Variants in TRMT13 observed in about 807,000 individuals in gnomAD.
TRMT13 encodes tRNA methyltransferase 13.
A neutral mutation model predicts 55.9 loss-of-function variants in TRMT13; 45 were observed. The observed-to-expected ratio is 0.80, with a 90% CI of 0.63 to 1.03. The LOEUF (loss-of-function observed/expected upper bound fraction) is 1.03. Ranked by LOEUF, TRMT13 falls within the 50% of genes least tolerant of loss-of-function variation. The probability of loss-of-function intolerance (pLI) is 0.00; values close to 1 mark genes in which losing one functional copy is unlikely to be tolerated. For synonymous variants in TRMT13, 183 were observed against 196.3 expected (o/e 0.93, Z 0.57); for missense variants, 513 against 563.9 (o/e 0.91, Z 0.91).
intron 1 of TRMT13, among the ~76,000 whole-genome samples, chr1:100,136,246 T>C (rs765769101): frequency 6.6e-6 from 1 of 152,234 alleles, no homozygotes; most frequent in African/African-American, 2.4e-5. Flanking sequence ...TGTTCCATTG[T>C]TTCTAAGAAA....
intron 2 of TRMT13, 40 bp from the exon 3 acceptor site, chr1:100,136,979 G>A: frequency 6.2e-7 from 1 of 1,602,520 alleles, no homozygotes; most frequent in Non-Finnish European, 8.5e-7. Context: ...ACAGTAATTG[G>A]CACAAGTCTC....
At chr1:100,137,984 G>T (rs1170528266) in intron 3 of TRMT13, among the ~76,000 whole-genome samples, 1 of 152,164 alleles carries the variant, frequency 6.6e-6, no homozygotes, top group African/African-American at 2.4e-5. Flanking sequence ...CCAGGTTTCA[G>T]TTAAAGCAAG....
chr1:100,133,462 C>A, intron 1 of TRMT13, 147 bp downstream of exon 1: 1 of 1,022,596 alleles, frequency 9.8e-7, no homozygotes, highest in African/African-American at 1.6e-5. Context: ...CAGTTTTGCC[C>A]TCCTTGCGGA....
At chr1:100,135,663 T>C (rs184927185) in intron 1 of TRMT13, among the ~76,000 whole-genome samples, 44 of 152,286 alleles carry the variant, frequency 2.9e-4, no homozygotes, top group Non-Finnish European at 6.2e-4. Context: ...GGATCGTAGC[T>C]GGTAGGTAGA....
At chr1:100,144,624 TG>T (rs2101738984) in intron 9 of TRMT13, 1 of 152,914 alleles carries the variant, frequency 6.5e-6, no homozygotes, top group Admixed American at 6.5e-5. Flanking sequence ...AGATCTAGCA[TG>T]GTAAAGTGGA....
At chr1:100,134,727 T>C (rs925698046) in intron 1 of TRMT13, among the ~76,000 whole-genome samples, 3 of 152,300 alleles carry the variant, frequency 2.0e-5, no homozygotes, top group South Asian at 2.1e-4. Context: ...TATCCAGATA[T>C]ATGGAAGGTG....
chr1:100,133,551 A>G (rs1021559968), intron 1 of TRMT13, among the ~76,000 whole-genome samples: 13 of 152,038 alleles, frequency 8.6e-5, no homozygotes, highest in Admixed American at 2.6e-4. Flanking sequence ...ATTTTGATCT[A>G]TTTATCTCGA....
At chr1:100,138,962 GTTTGTTTC>G (rs1428456367) in intron 3 of TRMT13, among the ~76,000 whole-genome samples, 1 of 152,062 alleles carries the variant, frequency 6.6e-6, no homozygotes, top group African/African-American at 2.4e-5. Flanking sequence ...ATGTGTGTTT[GTTTGTTTC>G]TTTGTTTATT....
rs141221300 is a variant in TRMT13 at position 100,148,203 on chromosome 1, G to A, written c.1127G>A (p.Arg376Gln). 8.7e-6 allele frequency: 14 copies of A among 1,613,934 alleles called. No homozygotes were observed. The highest frequency in any genetic ancestry group is 8.0e-5 in the African/African-American group (6 of 74,882). ...RMSSWATCGM[R>Q]KTSLETSNST... Reference sequence around the variant, plus strand: ...AGTAGTTGGGCAACTTGTGGGATGCGGAAAACATCTTTGGAAACCTCAAAT... The same window carrying A: ...AGTAGTTGGGCAACTTGTGGGATGCAGAAAACATCTTTGGAAACCTCAAAT... The change falls in exon 10 of 11, where the codon CGG (arginine) becomes CAG (glutamine). Residue 376 changes from arginine to glutamine, a missense_variant. Around this residue, in one of 3 missense-constraint regions of TRMT13, gnomAD observed 209 missense variants for 255.8 expected, o/e 0.82. Transcript: ENST00000370141.
intron 9 of TRMT13, among the ~76,000 whole-genome samples, chr1:100,144,854 A>G (rs1368451152): frequency 6.6e-6 from 1 of 152,252 alleles, no homozygotes; most frequent in East Asian, 1.9e-4. Flanking sequence ...TGCTAGTTTC[A>G]TCATCTACCC....
Position 100,140,168 on chromosome 1 carries a change from A to G in TRMT13, c.325-14A>G, listed in dbSNP as rs2101727984. 1.3e-6 allele frequency: 2 copies of G among 1,584,654 alleles called. No individual in the cohort carries two copies. Among genetic ancestry groups the G allele is most frequent in the Non-Finnish European group, 8.6e-7 (1 of 1,160,666 alleles). ...ATTTTTGGCTACATTATTTAGTTTT[A>G]TTTTTGTATATAGGTTCCAATTTCT... is the stretch of plus-strand genomic sequence containing the variant. On this transcript the variant is annotated splice_polypyrimidine_tract_variant and intron_variant, in intron 4 of 10. Coordinates refer to ENST00000370141, the MANE Select transcript of TRMT13 (RefSeq NM_019083.3).
intron 8 of TRMT13, 77 bp from the exon 9 acceptor site, chr1:100,143,992 A>T: frequency 8.1e-7 from 1 of 1,240,526 alleles, no homozygotes; most frequent in African/African-American, 1.5e-5. Flanking sequence ...AGAGACTCTA[A>T]TTAGTTCTTT....
At position 100,144,173 on chromosome 1, in the gene TRMT13, T is replaced by G. The variant is rs1473607148; in HGVS notation, c.817+30T>G. Reference sequence around the variant, plus strand: ...GTAAACATACTGATAATGTTTACATTAATGCATTAAGTTTTGGCCTAACCT... The same window carrying G: ...GTAAACATACTGATAATGTTTACATGAATGCATTAAGTTTTGGCCTAACCT... On this transcript the variant is annotated intron_variant, in intron 9 of 10. Coordinates refer to ENST00000370141, the MANE Select transcript of TRMT13 (RefSeq NM_019083.3). 1.9e-6 allele frequency: 3 copies of G among 1,580,988 alleles called. No homozygotes were observed. In the African/African-American group the frequency reaches 4.0e-5, roughly 21 times the overall value.
intron 1 of TRMT13, among the ~76,000 whole-genome samples, chr1:100,135,190 A>T (rs114387924): frequency 6.6e-6 from 1 of 152,218 alleles, no homozygotes; most frequent in Non-Finnish European, 1.5e-5. Flanking sequence ...CAAAACGTCA[A>T]TAGTGCCAAG....
At chr1:100,137,131 A>G in intron 3 of TRMT13, 46 bp downstream of exon 3, 1 of 1,460,540 alleles carries the variant, frequency 6.8e-7, no homozygotes, top group Non-Finnish European at 9.5e-7. Context: ...GTGGTATGTA[A>G]TGCCTTGGTA....
chr1:100,143,991 A>C (rs988664455), intron 8 of TRMT13, 78 bp from the exon 9 acceptor site: 6 of 1,215,050 alleles, frequency 4.9e-6, no homozygotes, highest in Non-Finnish European at 7.2e-6. Flanking sequence ...CAGAGACTCT[A>C]ATTAGTTCTT....
intron 3 of TRMT13, among the ~76,000 whole-genome samples, chr1:100,138,733 G>A (rs1003427689): frequency 3.3e-5 from 5 of 152,076 alleles, no homozygotes; most frequent in Admixed American, 2.0e-4. Context: ...GTTCAGTATG[G>A]CAGCCACTAG....
intron 7 of TRMT13, among the ~76,000 whole-genome samples, chr1:100,142,674 G>GT (rs1194644658): frequency 6.6e-6 from 1 of 152,172 alleles, no homozygotes; most frequent in Non-Finnish European, 1.5e-5. Context: ...GAGCTTTCTA[G>GT]TTCACAATTG....
At chr1:100,140,381 A>G (rs1474065015) in intron 5 of TRMT13, 27 bp from the exon 6 acceptor site, 1 of 1,595,730 alleles carries the variant, frequency 6.3e-7, no homozygotes, top group African/African-American at 1.3e-5. Flanking sequence ...TTGGCTGCTT[A>G]AGCTGTTGTG....
Sources: gnomAD v4.1 joint callset for allele counts (sites outside exome capture counted in the v4.1 genomes callset) on GRCh38, gnomAD v4.1.1 for gene constraint, gnomAD v4.1.1 regional missense constraint, MANE v1.5 for transcripts, NCBI Gene and HGNC (gene_info 2026-07-23, HGNC 2026-07-21) for gene names.